Variants in CDH18 observed in about 807,000 individuals in gnomAD.
The protein encoded by CDH18 is cadherin-18.
A neutral mutation model predicts 67.9 loss-of-function variants in CDH18; 31 were observed. The ratio of observed to expected loss-of-function variants is 0.46; its 90% CI spans 0.34 to 0.62. CDH18 has a LOEUF of 0.62. Ranked by LOEUF, CDH18 falls within the 20% of genes least tolerant of loss-of-function variation. The probability of loss-of-function intolerance (pLI) is 0.01; values close to 1 mark genes in which losing one functional copy is unlikely to be tolerated. For missense variants in CDH18, 890 were observed against 975.5 expected (o/e 0.91, Z 1.17); for synonymous variants, 362 against 347.2 (o/e 1.04, Z -0.48).
At chr5:19,725,282 G>C (rs6896390) in intron 4 of CDH18, among the ~76,000 whole-genome samples, 140,163 of 152,146 alleles carry the variant, frequency 0.92, 65,656 homozygotes, top group East Asian at 1. Context: ...CGATATTCAA[G>C]CCTCCAACTT....
At chr5:19,578,883 T>A (rs1426364127) in intron 7 of CDH18, among the ~76,000 whole-genome samples, 3 of 152,034 alleles carry the variant, frequency 2.0e-5, no homozygotes, top group East Asian at 3.8e-4. Context: ...AAGGTCATTA[T>A]TTGTTTTCTG....
At chr5:20,368,392 G>C (rs901572207) in intron 1 of CDH18, among the ~76,000 whole-genome samples, 6 of 152,036 alleles carry the variant, frequency 3.9e-5, no homozygotes, top group African/African-American at 1.4e-4. Flanking sequence ...TAGAATCTGG[G>C]ACAGAGAAAA....
At chr5:20,273,409 T>C (rs1287552174) in intron 1 of CDH18, among the ~76,000 whole-genome samples, 1 of 151,944 alleles carries the variant, frequency 6.6e-6, no homozygotes, top group Admixed American at 6.6e-5. Flanking sequence ...GCAGATAATA[T>C]GGAAAAATAA....
At chr5:20,090,752 G>A (rs921016718) in intron 2 of CDH18, among the ~76,000 whole-genome samples, 1 of 152,022 alleles carries the variant, frequency 6.6e-6, no homozygotes, top group Admixed American at 6.6e-5. Context: ...AATACTGGCT[G>A]GGTGCGGTGA....
intron 1 of CDH18, among the ~76,000 whole-genome samples, chr5:20,266,516 G>T (rs958092830): frequency 1.3e-5 from 2 of 148,448 alleles, no homozygotes; most frequent in Admixed American, 6.7e-5. Context: ...TGATTCTCTT[G>T]CCTCAGCCTC....
At chr5:19,873,968 C>T (rs1049085747) in intron 2 of CDH18, among the ~76,000 whole-genome samples, 8 of 152,112 alleles carry the variant, frequency 5.3e-5, no homozygotes, top group Non-Finnish European at 8.8e-5. Context: ...ATTTTTGATA[C>T]ACAAAGCAGA....
intron 5 of CDH18, among the ~76,000 whole-genome samples, chr5:19,641,815 C>T (rs1013598757): frequency 1.3e-5 from 2 of 151,704 alleles, no homozygotes; most frequent in African/African-American, 4.8e-5. Flanking sequence ...ACTTGAAGTC[C>T]TAGCCAGTAC....
At chr5:19,815,278 T>G (rs550802945) in intron 3 of CDH18, among the ~76,000 whole-genome samples, 1 of 152,174 alleles carries the variant, frequency 6.6e-6, no homozygotes, top group African/African-American at 2.4e-5. Flanking sequence ...GTCATCATGT[T>G]GTCATTTGTA....
chr5:19,910,290 G>A (rs1023785895), intron 2 of CDH18, among the ~76,000 whole-genome samples: 8 of 152,122 alleles, frequency 5.3e-5, no homozygotes, highest in East Asian at 1.9e-4. Context: ...TTCTTCTAAC[G>A]TGTCTCAGCT....
intron 2 of CDH18, among the ~76,000 whole-genome samples, chr5:19,938,740 T>C (rs1794531880): frequency 6.6e-6 from 1 of 151,470 alleles, no homozygotes; most frequent in Non-Finnish European, 1.5e-5. Flanking sequence ...GCCTATTATA[T>C]GCCTTTTAAA....
chr5:19,594,442 C>T (rs184238238), intron 6 of CDH18, among the ~76,000 whole-genome samples: 8 of 152,228 alleles, frequency 5.3e-5, no homozygotes, highest in Middle Eastern at 3.4e-3. Flanking sequence ...TGAGCCACTT[C>T]GCCCGGCCTG....
intron 2 of CDH18, among the ~76,000 whole-genome samples, chr5:19,918,578 T>G (rs1476994828): frequency 6.6e-6 from 1 of 152,188 alleles, no homozygotes; most frequent in African/African-American, 2.4e-5. Flanking sequence ...CACTGGTACA[T>G]TCATAGTGGC....
chr5:20,573,310 A>G (rs1003643127), intron 1 of CDH18, among the ~76,000 whole-genome samples: 3 of 152,018 alleles, frequency 2.0e-5, no homozygotes, highest in Non-Finnish European at 4.4e-5. Context: ...CTAAAATTTT[A>G]ATGGTCTCAT....
intron 4 of CDH18, among the ~76,000 whole-genome samples, chr5:19,721,962 C>A (rs1766157736): frequency 6.6e-6 from 1 of 152,128 alleles, no homozygotes; most frequent in African/African-American, 2.4e-5. Flanking sequence ...CCATTCAAGT[C>A]ATTTTCTGTC....
At chr5:19,588,691 AG>A (rs1175470207) in intron 7 of CDH18, among the ~76,000 whole-genome samples, 1 of 152,098 alleles carries the variant, frequency 6.6e-6, no homozygotes, top group African/African-American at 2.4e-5. Context: ...GGGCTCATAA[AG>A]GGATGAAGAA....
chr5:20,410,547 C>T (rs991799126), intron 1 of CDH18, among the ~76,000 whole-genome samples: 3 of 151,612 alleles, frequency 2.0e-5, no homozygotes, highest in Non-Finnish European at 4.4e-5. Flanking sequence ...AAGAGTAACA[C>T]ATTCAAGGGT....
At chr5:20,207,969 T>C (rs562446079) in intron 2 of CDH18, among the ~76,000 whole-genome samples, 1 of 151,908 alleles carries the variant, frequency 6.6e-6, no homozygotes, top group African/African-American at 2.4e-5. Context: ...AAAACAAACA[T>C]AAACACCAAC....
intron 1 of CDH18, among the ~76,000 whole-genome samples, chr5:20,296,078 G>T (rs1029133495): frequency 6.6e-6 from 1 of 151,262 alleles, no homozygotes; most frequent in African/African-American, 2.4e-5. Flanking sequence ...GTTTCGCCAC[G>T]TTGGCCAGCC....
chr5:19,748,006 G>C (rs1285770851), intron 3 of CDH18, among the ~76,000 whole-genome samples: 1 of 148,372 alleles, frequency 6.7e-6, no homozygotes, highest in Non-Finnish European at 1.5e-5. Flanking sequence ...CCAGCTACTC[G>C]GGGGGCTGAG....
Sources: allele counts gnomAD v4.1 joint callset (sites outside exome capture counted in the v4.1 genomes callset), GRCh38; gene constraint gnomAD v4.1.1; transcripts MANE v1.5; gene names NCBI Gene and HGNC (gene_info 2026-07-23, HGNC 2026-07-21).